The following SDK2 variants were observed in gnomAD, a reference collection of about 807,000 sequenced individuals.
SDK2 encodes the protein protein sidekick-2.
SDK2 carries 105 observed loss-of-function variants against 253.9 expected under a neutral mutation model. The ratio of observed to expected loss-of-function variants is 0.41; its 90% CI spans 0.35 to 0.49. The LOEUF is 0.49. Among genes scored for constraint, SDK2 ranks in the 20% least tolerant of loss-of-function variants. The pLI, the probability that SDK2 is intolerant of heterozygous loss-of-function variation, is 0.06. For missense variants in SDK2, 2,608 were observed against 3,003.0 expected (o/e 0.87, Z 3.07); for synonymous variants, 1,249 against 1,234.9 (o/e 1.01, Z -0.24).
chr17:73,547,702 G>A (rs1056225359), intron 1 of SDK2, among the ~76,000 whole-genome samples: 1 of 152,218 alleles, frequency 6.6e-6, no homozygotes, highest in Non-Finnish European at 1.5e-5. Flanking sequence ...GAAAAAGTCT[G>A]TTTTGAGCAG....
chr17:73,465,578 G>A lies in SDK2; in HGVS notation c.331+6534C>T, dbSNP rs1001568441. Among the ~76,000 whole-genome samples, 1 of 151,900 alleles carries A rather than the reference G, an allele frequency of 6.6e-6. No individual in the cohort carries two copies. Among genetic ancestry groups the A allele is most frequent in the African/African-American group, 2.4e-5 (1 of 41,314 alleles). On this transcript the variant is annotated intron_variant, in intron 3 of 44. Coordinates refer to ENST00000392650, the MANE Select transcript of SDK2 (RefSeq NM_001144952.2). This position sits in a 1 kb window ranked among gnomAD's most constrained non-coding sequence, Gnocchi z 4.2. ...GTGACTTAAAAAAACACAAAGAAGA[G>A]ACTCCAAGTGGGGACAGGAAGGGGC... is the stretch of plus-strand genomic sequence containing the variant.
chr17:73,390,688 A>T (rs2062920818), intron 28 of SDK2, among the ~76,000 whole-genome samples: 1 of 152,140 alleles, frequency 6.6e-6, no homozygotes, highest in Admixed American at 6.5e-5. Flanking sequence ...TGTGGGTGGC[A>T]TGGAGAGGCA....
At chr17:73,602,085 G>A (rs1300201575) in intron 1 of SDK2, among the ~76,000 whole-genome samples, 1 of 152,216 alleles carries the variant, frequency 6.6e-6, no homozygotes, top group Non-Finnish European at 1.5e-5. Context: ...GTGCTTCGTT[G>A]CGGCAGCCAC....
At chr17:73,367,505 CTTTT>C (rs58091810) in intron 37 of SDK2, among the ~76,000 whole-genome samples, 20 of 143,900 alleles carry the variant, frequency 1.4e-4, no homozygotes, top group Admixed American at 4.2e-4. Context: ...GGCCTCTTGT[CTTTT>C]TTTTTTTTGG....
intron 15 of SDK2, among the ~76,000 whole-genome samples, chr17:73,421,781 G>A (rs1045975657): frequency 1.3e-4 from 19 of 151,760 alleles, no homozygotes; most frequent in African/African-American, 4.6e-4. Flanking sequence ...GGCTGGTTTC[G>A]AACTCCTGAC....
rs546607827 is a variant in SDK2, at chr17:73,605,445, C to T, written c.64+38580G>A. ...GTCTTGCTAGAAGGAAGGCTGGAATCCCGGAGATTCTCACTTGAGGGGTTC... is the reference window on the plus strand; with the variant it reads ...GTCTTGCTAGAAGGAAGGCTGGAATTCCGGAGATTCTCACTTGAGGGGTTC... On this transcript the variant is annotated intron_variant, in intron 1 of 44. Coordinates refer to ENST00000392650, the MANE Select transcript of SDK2 (RefSeq NM_001144952.2). 1.8e-4 allele frequency among the ~76,000 whole-genome samples: 28 copies of T among 152,166 alleles called. No individual in the cohort carries two copies. The South Asian group carries it at 4.4e-3, about 24-fold the overall frequency.
At chr17:73,419,485 C>T (rs745789779) in intron 15 of SDK2, among the ~76,000 whole-genome samples, 179 bp from the exon 16 acceptor site, 13 of 152,074 alleles carry the variant, frequency 8.5e-5, no homozygotes, top group Non-Finnish European at 1.9e-4. Context: ...TATAATAAAG[C>T]TCTACTTGCC....
At chr17:73,401,915 G>T (rs759984791) in intron 19 of SDK2, 31 bp downstream of exon 19, 13 of 1,519,898 alleles carry the variant, frequency 8.6e-6, no homozygotes, top group East Asian at 4.7e-5. Flanking sequence ...GGCGGGGGGG[G>T]GCAGAAAGAG....
chr17:73,632,836 C>A (rs1465792302), intron 1 of SDK2, among the ~76,000 whole-genome samples: 1 of 152,068 alleles, frequency 6.6e-6, no homozygotes, highest in Non-Finnish European at 1.5e-5. Flanking sequence ...TCTTTCAAGA[C>A]CAGATTTTGA....
chr17:73,398,438 G>C lies in SDK2; in HGVS notation c.3094-9C>G, dbSNP rs759212658. On this transcript the variant is annotated splice_polypyrimidine_tract_variant and intron_variant, in intron 22 of 44. Transcript: ENST00000392650. ...TCCCCAACCACGCCTACCTGGAAAAGGGCAGGATCTTAGGCCTGTCCAGCC... is the reference window on the plus strand; with the variant it reads ...TCCCCAACCACGCCTACCTGGAAAACGGCAGGATCTTAGGCCTGTCCAGCC... The C allele has an allele frequency of 1.9e-6, 3 of 1,611,708 alleles. No individual in the cohort carries two copies. The highest frequency in any genetic ancestry group is 2.5e-6 in the Non-Finnish European group (3 of 1,178,146).
chr17:73,518,681 T>C (rs978057516), intron 1 of SDK2: 1 of 152,248 alleles, frequency 6.6e-6, no homozygotes, highest in Non-Finnish European at 1.5e-5. Context: ...TAGAATGTTT[T>C]GGCCTAACGG....
At position 73,438,133 on chromosome 17, in the gene SDK2, G is replaced by A. The variant is rs762119673; in HGVS notation, c.747C>T (p.Ile249=). Reference sequence around the variant, plus strand: ...GCAATACCCCGTCCTTCTTCCAAATGATATGTAGCTTGATCAGGGGCCTGC... The same window carrying A: ...GCAATACCCCGTCCTTCTTCCAAATAATATGTAGCTTGATCAGGGGCCTGC... ...ANARPLIKLH[I]IWKKDGVLLS... The change falls in exon 7 of 45, where the codon ATC becomes ATT. Residue 249 remains isoleucine, a synonymous_variant. Transcript: ENST00000392650. 3.2e-5 allele frequency: 49 copies of A among 1,551,472 alleles called. 1 individual carries two copies. In the South Asian group the frequency reaches 5.8e-4, roughly 18 times the overall value.
intron 44 of SDK2, among the ~76,000 whole-genome samples, chr17:73,339,408 T>C (rs987145061): frequency 8.6e-5 from 13 of 151,752 alleles, no homozygotes; most frequent in Admixed American, 2.6e-4. Flanking sequence ...TTTGGTATGT[T>C]TAGGGGTTTC....
chr17:73,453,696 G>A (rs1599580829), intron 4 of SDK2, among the ~76,000 whole-genome samples: 1 of 152,104 alleles, frequency 6.6e-6, no homozygotes, highest in Non-Finnish European at 1.5e-5. Context: ...GTTTTGTTAC[G>A]CAGCATATCT....
chr17:73,427,866 C>T (rs2345420), intron 12 of SDK2, among the ~76,000 whole-genome samples: 80,922 of 152,022 alleles, frequency 0.53, 22,023 homozygotes, highest in East Asian at 0.68. Flanking sequence ...TTCATTAAAT[C>T]AAACATTGCT....
intron 2 of SDK2, among the ~76,000 whole-genome samples, chr17:73,488,444 C>T (rs2063783671): frequency 6.6e-6 from 1 of 152,228 alleles, no homozygotes; most frequent in Non-Finnish European, 1.5e-5. Context: ...TTTGCATTTG[C>T]TGTGCACAGT....
chr17:73,522,051 T>G (rs2064083983), intron 1 of SDK2, among the ~76,000 whole-genome samples: 1 of 152,186 alleles, frequency 6.6e-6, no homozygotes, highest in African/African-American at 2.4e-5. Flanking sequence ...CTTGGAGAGT[T>G]GAGTGACTCC....
chr17:73,412,542 G>A (rs573608777), intron 18 of SDK2, among the ~76,000 whole-genome samples: 1 of 152,226 alleles, frequency 6.6e-6, no homozygotes, highest in East Asian at 1.9e-4. Context: ...ACTGTATTTG[G>A]AGACAGAATT....
At position 73,465,903 on chromosome 17, in the gene SDK2, C is replaced by T. The variant is rs2063593475; in HGVS notation, c.331+6209G>A. ...GGGCATTTGGGAAAAGTGACCATAC[C>T]CCACCCTCTCTCAGAACTGTGTGCC... On this transcript the variant is annotated intron_variant, in intron 3 of 44. Coordinates refer to ENST00000392650, the MANE Select transcript of SDK2 (RefSeq NM_001144952.2). This position sits in a 1 kb window ranked among gnomAD's most constrained non-coding sequence, Gnocchi z 4.2. 6.6e-6 allele frequency among the ~76,000 whole-genome samples: 1 copy of T among 152,098 alleles called. No individual in the cohort carries two copies. Among genetic ancestry groups the T allele is most frequent in the South Asian group, 2.1e-4 (1 of 4,816 alleles).
Sources: allele counts gnomAD v4.1 joint callset (sites outside exome capture counted in the v4.1 genomes callset), GRCh38; gene constraint gnomAD v4.1.1; non-coding constraint Gnocchi (gnomAD v3.1); transcripts MANE v1.5; gene names NCBI Gene and HGNC (gene_info 2026-07-23, HGNC 2026-07-21).